Variants in ZNF277 observed in about 807,000 individuals in gnomAD.
ZNF277 encodes zinc finger protein 277.
Under a neutral mutation model 60.7 loss-of-function variants are expected in ZNF277, and 55 were observed. The ratio of observed to expected loss-of-function variants is 0.91; its 90% confidence interval spans 0.73 to 1.13. The LOEUF is 1.13. Among genes scored for constraint, ZNF277 ranks in the 50% most tolerant of loss-of-function variants. The pLI is 0.00. For synonymous variants in ZNF277, 178 were observed against 179.3 expected (o/e 0.99, Z 0.06); for missense variants, 510 against 523.0 (o/e 0.98, Z 0.24).
chr7:112,265,056 C>T (rs890914870), intron 1 of ZNF277, among the ~76,000 whole-genome samples: 2 of 152,160 alleles, frequency 1.3e-5, no homozygotes, highest in African/African-American at 4.8e-5. Flanking sequence ...TCAAAACTTT[C>T]TCCATATAAG....
intron 4 of ZNF277, among the ~76,000 whole-genome samples, chr7:112,301,733 T>G (rs1376788071): frequency 6.6e-6 from 1 of 150,886 alleles, no homozygotes; most frequent in Non-Finnish European, 1.5e-5. Flanking sequence ...ACTATTTTAT[T>G]TGGCTTTTCA....
intron 1 of ZNF277, among the ~76,000 whole-genome samples, chr7:112,260,339 G>C (rs1296391835): frequency 6.6e-6 from 1 of 152,140 alleles, no homozygotes; most frequent in Non-Finnish European, 1.5e-5. Context: ...ACCCTCTCCA[G>C]TTTAGCTTTC....
chr7:112,342,410 A>T, intron 11 of ZNF277, 151 bp from the exon 12 acceptor site: 1 of 515,314 alleles, frequency 1.9e-6, no homozygotes, highest in Non-Finnish European at 3.1e-6. Flanking sequence ...AGTGAAAGCA[A>T]TCAGAAGTTG....
In ZNF277 at chr7:112,340,975, C is replaced by T. The variant is rs762107763; in HGVS notation, c.1113C>T (p.Asp371=). 25 of 1,611,430 alleles carry T rather than the reference C, an allele frequency of 1.6e-5. No homozygotes were observed. Among genetic ancestry groups the T allele is most frequent in the East Asian group, 2.2e-5 (1 of 44,828 alleles). ...ATGTGAAGTTCAAATCCAAAGCAGA[C>T]TTAAGAACTCACATGGAAGAAACTA... is the stretch of plus-strand genomic sequence containing the variant. ...GCHVKFKSKA[D]LRTHMEETKH... The change falls in exon 11 of 12, where the codon GAC becomes GAT. Residue 371 remains aspartate (D), a synonymous_variant. Coordinates refer to ENST00000361822, the MANE Select transcript of ZNF277 (RefSeq NM_021994.3).
intron 1 of ZNF277, among the ~76,000 whole-genome samples, chr7:112,278,503 A>C (rs1017434161): frequency 6.6e-6 from 1 of 152,228 alleles, no homozygotes; most frequent in African/African-American, 2.4e-5. Flanking sequence ...GAACTAACCT[A>C]TAATTGACCA....
intron 1 of ZNF277, among the ~76,000 whole-genome samples, chr7:112,234,714 T>C (rs1446977792): frequency 6.6e-6 from 1 of 152,104 alleles, no homozygotes; most frequent in Non-Finnish European, 1.5e-5. Context: ...AGAAAAATGA[T>C]ATCCTACATG....
At chr7:112,215,099 C>T (rs938736183) in intron 1 of ZNF277, among the ~76,000 whole-genome samples, 2 of 152,138 alleles carry the variant, frequency 1.3e-5, no homozygotes, top group East Asian at 3.8e-4. Context: ...GAGGCAGTAG[C>T]GAGTACAAGC....
intron 2 of ZNF277, among the ~76,000 whole-genome samples, chr7:112,289,356 C>T (rs1005611700): frequency 1.3e-5 from 2 of 152,148 alleles, no homozygotes; most frequent in Non-Finnish European, 2.9e-5. Context: ...TGCCTTATAT[C>T]GACTCAGCAC....
chr7:112,245,162 C>A (rs773086660), intron 1 of ZNF277, among the ~76,000 whole-genome samples: 1 of 152,182 alleles, frequency 6.6e-6, no homozygotes, highest in Non-Finnish European at 1.5e-5. Context: ...GACTACTCTT[C>A]TCCTGGATAT....
At chr7:112,332,277 G>A (rs919106060) in intron 7 of ZNF277, among the ~76,000 whole-genome samples, 1 of 152,062 alleles carries the variant, frequency 6.6e-6, no homozygotes, top group African/African-American at 2.4e-5. Flanking sequence ...ACTATCCTAG[G>A]TATTTATATT....
intron 4 of ZNF277, among the ~76,000 whole-genome samples, chr7:112,300,483 A>C (rs976258968): frequency 6.6e-6 from 1 of 152,068 alleles, no homozygotes; most frequent in Non-Finnish European, 1.5e-5. Context: ...TTTCTCTTAA[A>C]TGTGTATACA....
chr7:112,231,076 T>TG (rs1187575802), intron 1 of ZNF277, among the ~76,000 whole-genome samples: 11 of 152,084 alleles, frequency 7.2e-5, no homozygotes, highest in Admixed American at 3.3e-4. Flanking sequence ...TAGCTGGGCG[T>TG]GGTGGCAGGC....
At chr7:112,309,479 A>T (rs1198183800) in intron 4 of ZNF277, among the ~76,000 whole-genome samples, 1 of 151,954 alleles carries the variant, frequency 6.6e-6, no homozygotes, top group Admixed American at 6.6e-5. Context: ...ATGACAATCC[A>T]TACCCCACCC....
At chr7:112,257,135 C>T (rs1477192073) in intron 1 of ZNF277, among the ~76,000 whole-genome samples, 1 of 152,206 alleles carries the variant, frequency 6.6e-6, no homozygotes, top group African/African-American at 2.4e-5. Flanking sequence ...TGACCATCAA[C>T]ATAATCAATA....
chr7:112,309,023 T>A (rs1026112138), intron 4 of ZNF277, among the ~76,000 whole-genome samples: 2 of 152,076 alleles, frequency 1.3e-5, no homozygotes, highest in African/African-American at 2.4e-5. Context: ...GATAAGGATG[T>A]TCCTTTCCCC....
At chr7:112,278,680 A>G (rs972885698) in intron 1 of ZNF277, among the ~76,000 whole-genome samples, 1 of 152,182 alleles carries the variant, frequency 6.6e-6, no homozygotes. Context: ...GTTAATGGGA[A>G]GTAATGGGAC....
chr7:112,210,331 A>T (rs1266181878), intron 1 of ZNF277, among the ~76,000 whole-genome samples: 1 of 152,140 alleles, frequency 6.6e-6, no homozygotes, highest in African/African-American at 2.4e-5. Flanking sequence ...AGAGTGAGTC[A>T]GTGGGTGGGG....
intron 1 of ZNF277, among the ~76,000 whole-genome samples, chr7:112,270,633 T>C (rs77257034): frequency 0.14 from 21,570 of 152,116 alleles, 1,585 homozygotes; most frequent in Non-Finnish European, 0.15. Flanking sequence ...CTAATTATGT[T>C]TCATAAATAA....
chr7:112,255,898 T>A (rs1791297280), intron 1 of ZNF277, among the ~76,000 whole-genome samples: 1 of 152,224 alleles, frequency 6.6e-6, no homozygotes, highest in Non-Finnish European at 1.5e-5. Flanking sequence ...CCCCTATGTC[T>A]TGGTTCAAAT....
Sources: gnomAD v4.1 joint callset for allele counts (sites outside exome capture counted in the v4.1 genomes callset) on GRCh38, gnomAD v4.1.1 for gene constraint, MANE v1.5 for transcripts, NCBI Gene and HGNC (gene_info 2026-07-23, HGNC 2026-07-21) for gene names.